Variants in CFAP95 observed in about 807,000 individuals in gnomAD.
CFAP95 encodes cilia and flagella associated protein 95.
At chr9:69,879,011 T>A in the CFAP95 span, among the ~76,000 whole-genome samples, 1 of 152,108 alleles carries the variant, frequency 6.6e-6, no homozygotes, top group Non-Finnish European at 1.5e-5. Flanking sequence ...ACTCACTCAC[T>A]ATTATGACGA....
chr9:69,853,285 C>G, the CFAP95 span, among the ~76,000 whole-genome samples: 1 of 152,130 alleles, frequency 6.6e-6, no homozygotes, highest in Admixed American at 6.5e-5. Context: ...TATGTGTCTA[C>G]TGGATTTACT....
chr9:69,879,613 A>G, the CFAP95 span, among the ~76,000 whole-genome samples: 4 of 152,330 alleles, frequency 2.6e-5, no homozygotes, highest in Admixed American at 2.6e-4. Context: ...TGGCTTTATC[A>G]AAGGGTGAAC....
chr9:69,868,551 G>A, the CFAP95 span, among the ~76,000 whole-genome samples: 4 of 151,682 alleles, frequency 2.6e-5, no homozygotes, highest in Admixed American at 1.3e-4. Flanking sequence ...CCAGCTACTC[G>A]GGAGGCTGAG....
chr9:69,875,581 C>T, the CFAP95 span, among the ~76,000 whole-genome samples: 1 of 152,116 alleles, frequency 6.6e-6, no homozygotes, highest in Non-Finnish European at 1.5e-5. Flanking sequence ...AGCTGACCTG[C>T]AGGACAGTTC....
chr9:69,824,494 G>C, the CFAP95 span, among the ~76,000 whole-genome samples: 1 of 151,864 alleles, frequency 6.6e-6, no homozygotes, highest in Non-Finnish European at 1.5e-5. Flanking sequence ...AGCAAGCAAC[G>C]CTCTGCCTTT....
the CFAP95 span, among the ~76,000 whole-genome samples, chr9:69,849,505 A>G: frequency 8.0e-4 from 122 of 152,310 alleles, no homozygotes; most frequent in Non-Finnish European, 1.5e-3. Flanking sequence ...TGGTGCCTGT[A>G]TATAAGGAAC....
chr9:69,889,194 C>A, the CFAP95 span, among the ~76,000 whole-genome samples: 2 of 152,108 alleles, frequency 1.3e-5, 1 homozygote, highest in African/African-American at 4.8e-5. Flanking sequence ...AAATGGAAAC[C>A]GTATTTGTAA....
the CFAP95 span, among the ~76,000 whole-genome samples, chr9:69,893,468 A>T: frequency 6.6e-6 from 1 of 152,210 alleles, no homozygotes; most frequent in South Asian, 2.1e-4. Flanking sequence ...GAATTATATT[A>T]GCTTTCAAAT....
chr9:69,847,999 G>A, the CFAP95 span, among the ~76,000 whole-genome samples: 1 of 152,166 alleles, frequency 6.6e-6, no homozygotes, highest in Non-Finnish European at 1.5e-5. Context: ...GTGTTAATAG[G>A]CTCCCACTCA....
the CFAP95 span, among the ~76,000 whole-genome samples, chr9:69,838,116 G>A: frequency 6.6e-6 from 1 of 152,196 alleles, no homozygotes; most frequent in African/African-American, 2.4e-5. Flanking sequence ...CCAGTACCAT[G>A]CTGTTTTGGT....
At chr9:69,847,524 G>A in the CFAP95 span, among the ~76,000 whole-genome samples, 2 of 152,162 alleles carry the variant, frequency 1.3e-5, no homozygotes, top group African/African-American at 4.8e-5. Flanking sequence ...TTTTTACCCT[G>A]CTACACTGCA....
chr9:69,903,582 C>T, the CFAP95 span, among the ~76,000 whole-genome samples: 4 of 152,146 alleles, frequency 2.6e-5, no homozygotes, highest in African/African-American at 7.2e-5. Context: ...GTATTTATGC[C>T]ACAGAAATTG....
the CFAP95 span, among the ~76,000 whole-genome samples, chr9:69,894,380 A>T: frequency 7.9e-5 from 12 of 152,142 alleles, no homozygotes; most frequent in African/African-American, 2.9e-4. Flanking sequence ...TGAATAAAAT[A>T]TACAGTTGCT....
At chr9:69,844,680 A>G in the CFAP95 span, 1 of 1,322,106 alleles carries the variant, frequency 7.6e-7, no homozygotes, top group Non-Finnish European at 1.1e-6. Flanking sequence ...ATAGTGAAAC[A>G]TAAAAAGGTA....
chr9:69,889,515 T>G, the CFAP95 span, among the ~76,000 whole-genome samples: 1 of 152,204 alleles, frequency 6.6e-6, no homozygotes, highest in Admixed American at 6.5e-5. Context: ...CAAAGACAGT[T>G]TAGACACTCC....
chr9:69,834,107 G>T, the CFAP95 span, among the ~76,000 whole-genome samples: 1 of 152,144 alleles, frequency 6.6e-6, no homozygotes. Flanking sequence ...TTTGCTTTTT[G>T]TTTTGGACGG....
the CFAP95 span, chr9:69,906,021 A>G: frequency 6.2e-7 from 1 of 1,613,264 alleles, no homozygotes; most frequent in Non-Finnish European, 8.5e-7. Flanking sequence ...ACGGATCTAA[A>G]TGGTTCTAAA....
chr9:69,889,152 A>G, the CFAP95 span, among the ~76,000 whole-genome samples: 1 of 152,210 alleles, frequency 6.6e-6, no homozygotes, highest in Non-Finnish European at 1.5e-5. Context: ...AGGCCATAAC[A>G]GTTCTTTTTC....
the CFAP95 span, chr9:69,820,929 A>G: frequency 2.5e-6 from 4 of 1,613,980 alleles, no homozygotes; most frequent in East Asian, 2.2e-5. Flanking sequence ...AGGAAGCAAC[A>G]CTGGTTGGAG....
Sources: allele counts gnomAD v4.1 joint callset (sites outside exome capture counted in the v4.1 genomes callset), GRCh38; gene constraint gnomAD v4.1.1; transcripts MANE v1.5; gene names NCBI Gene and HGNC (gene_info 2026-07-23, HGNC 2026-07-21).